The following ITGA8 variants were observed in gnomAD, a reference collection of about 807,000 sequenced individuals.
ITGA8 encodes the protein integrin alpha-8.
In ITGA8, 91 loss-of-function variants were observed where a neutral mutation model predicts 142.3. The ratio of observed to expected loss-of-function variants is 0.64; its 90% confidence interval spans 0.54 to 0.76. The LOEUF is 0.76. Among genes scored for constraint, ITGA8 ranks in the 30% least tolerant of loss-of-function variants. ITGA8 has a pLI of 0.00. For missense variants in ITGA8, 1,406 were observed against 1,327.7 expected (o/e 1.06, Z -0.92); for synonymous variants, 505 against 485.2 (o/e 1.04, Z -0.54).
chr10:15,542,056 A>T (rs1833579178), intron 27 of ITGA8, among the ~76,000 whole-genome samples: 1 of 152,228 alleles, frequency 6.6e-6, no homozygotes, highest in South Asian at 2.1e-4. Context: ...CCTGATAGAG[A>T]TTTTGCCTTT....
intron 2 of ITGA8, among the ~76,000 whole-genome samples, chr10:15,689,181 C>A (rs570414890): frequency 6.6e-5 from 10 of 152,244 alleles, no homozygotes; most frequent in South Asian, 6.2e-4. Context: ...ACCCCATTTA[C>A]AATAGCATTT....
intron 13 of ITGA8, among the ~76,000 whole-genome samples, chr10:15,622,049 T>G (rs1409534609): frequency 1.3e-5 from 2 of 152,058 alleles, no homozygotes; most frequent in Non-Finnish European, 1.5e-5. Flanking sequence ...TCCCAGGTAC[T>G]TGGGAGGTGG....
rs1044551978 is a variant in ITGA8 at position 15,514,684 on chromosome 10, T to G, written c.*2474A>C. On this transcript the variant is annotated 3_prime_UTR_variant, in exon 30 of 30. Transcript: ENST00000378076. ...TCCCAAAGTGTTGGGATTACAAGTG[T>G]GAGTCACTGCACCCAGACTTTGCTT... 6.6e-6 allele frequency: 1 copy of G among 152,348 alleles called. No individual in the cohort carries two copies. The highest frequency in any genetic ancestry group is 2.4e-5 in the African/African-American group (1 of 41,460). 9.4% of individuals were successfully genotyped at this position (152,348 alleles called of 1,614,324 possible).
intron 2 of ITGA8, among the ~76,000 whole-genome samples, chr10:15,694,563 TAATATATAA>T (rs1176084202): frequency 4.6e-4 from 63 of 138,434 alleles, no homozygotes; most frequent in East Asian, 2.4e-3. Context: ...TATAGAGTTA[TAATATATAA>T]AATATATAAA....
intron 8 of ITGA8, among the ~76,000 whole-genome samples, chr10:15,662,455 C>A (rs956865104): frequency 6.7e-6 from 1 of 149,136 alleles, no homozygotes; most frequent in Non-Finnish European, 1.5e-5. Context: ...CCTTCTACCT[C>A]AGCTTCCTGA....
intron 2 of ITGA8, among the ~76,000 whole-genome samples, chr10:15,708,162 T>C (rs1835296594): frequency 6.6e-6 from 1 of 152,192 alleles, no homozygotes; most frequent in Non-Finnish European, 1.5e-5. Flanking sequence ...CCCCTGAAAT[T>C]TAATTTTACC....
At position 15,538,816 on chromosome 10, in the gene ITGA8, TGAG is replaced by T. The variant is rs534106855; in HGVS notation, c.2881-7668_2881-7666del. Among the ~76,000 whole-genome samples, 670 of 152,232 alleles carry T rather than the reference TGAG, an allele frequency of 4.4e-3. 4 individuals are homozygous for T. Among genetic ancestry groups the T allele is most frequent in the African/African-American group, 0.015 (636 of 41,562 alleles). On this transcript the variant is annotated intron_variant, in intron 27 of 29. Coordinates refer to ENST00000378076, the MANE Select transcript of ITGA8 (RefSeq NM_003638.3). The stretch of plus-strand genomic sequence containing the variant: ...AAAAGACTCAGATGACAATTTATCA[TGAG>T]GAGGCTAACACTTGGATTCTCTGAA...
At position 15,646,907 on chromosome 10, in the gene ITGA8, C is replaced by T. The variant is rs148015670; in HGVS notation, c.1146G>A (p.Thr382=). The change falls in exon 12 of 30, where the codon ACG becomes ACA. Residue 382 remains threonine, a synonymous_variant. Coordinates refer to ENST00000378076, the MANE Select transcript of ITGA8 (RefSeq NM_003638.3). ...RDPQILTGTE[T]FGRFGSAMAH... is the part of the protein sequence containing the mutation. ...CCATAGCACTACCGAATCTCCCAAA[C>T]GTCTCGGTGCCAGTGAGGATCTGGG... 1.6e-4 allele frequency: 253 copies of T among 1,613,966 alleles called. No homozygotes were observed. Among genetic ancestry groups the T allele is most frequent in the Admixed American group, 2.8e-4 (17 of 59,980 alleles).
Position 15,525,616 on chromosome 10 carries a change from G to T in ITGA8, c.2982+5434C>A, listed in dbSNP as rs933685597. ...GACATCATAGAGCCACTGCACTCCA[G>T]CCTGGGTGACAGGAGCGAAACTCCA... On this transcript the variant is annotated intron_variant, in intron 28 of 29. Coordinates refer to ENST00000378076, the MANE Select transcript of ITGA8 (RefSeq NM_003638.3). 2.0e-4 allele frequency among the ~76,000 whole-genome samples: 24 copies of T among 120,634 alleles called. No homozygotes were observed. The Admixed American group carries it at 2.1e-3, about 11-fold the overall frequency. 79.1% of individuals were successfully genotyped at this position (120,634 alleles called of 152,430 possible). A position where few individuals can be genotyped will look rare whatever the true frequency, so the allele number is the denominator to read the frequency against.
chr10:15,579,034 G>T (rs1349885052), intron 23 of ITGA8, among the ~76,000 whole-genome samples: 4 of 151,990 alleles, frequency 2.6e-5, no homozygotes, highest in African/African-American at 9.7e-5. Context: ...TTAAAATAAT[G>T]CATGATAAAT....
intron 24 of ITGA8, among the ~76,000 whole-genome samples, chr10:15,572,699 G>A (rs988235562): frequency 1.3e-5 from 2 of 152,124 alleles, no homozygotes; most frequent in South Asian, 2.1e-4. Flanking sequence ...TTTTAATTTT[G>A]ATTTTATGCC....
At chr10:15,688,448 G>A (rs1279125039) in intron 2 of ITGA8, among the ~76,000 whole-genome samples, 2 of 152,118 alleles carry the variant, frequency 1.3e-5, no homozygotes, top group Admixed American at 1.3e-4. Context: ...TCCAGCCTGG[G>A]CGACAAAGTA....
chr10:15,565,683 G>A (rs576916921), intron 25 of ITGA8, among the ~76,000 whole-genome samples: 9 of 140,528 alleles, frequency 6.4e-5, no homozygotes, highest in South Asian at 4.6e-4. Context: ...TCTGTCTCCC[G>A]GGTTCAAGCG....
chr10:15,683,125 A>G (rs1188949095), intron 4 of ITGA8, among the ~76,000 whole-genome samples: 1 of 152,176 alleles, frequency 6.6e-6, no homozygotes, highest in African/African-American at 2.4e-5. Flanking sequence ...TCTTCTTTCT[A>G]CTACATTTTC....
At chr10:15,540,171 T>A (rs1057363544) in intron 27 of ITGA8, among the ~76,000 whole-genome samples, 1 of 152,200 alleles carries the variant, frequency 6.6e-6, no homozygotes, top group Non-Finnish European at 1.5e-5. Context: ...TTCTAGCTAC[T>A]TTGAAATAGA....
chr10:15,644,710 A>C (rs1368133426), intron 12 of ITGA8, among the ~76,000 whole-genome samples: 1 of 151,330 alleles, frequency 6.6e-6, no homozygotes, highest in Non-Finnish European at 1.5e-5. Context: ...GAAACTCTAA[A>C]GGGCTTATAA....
intron 6 of ITGA8, among the ~76,000 whole-genome samples, chr10:15,676,054 C>T (rs1237652893): frequency 6.6e-6 from 1 of 151,924 alleles, no homozygotes; most frequent in Admixed American, 6.6e-5. Flanking sequence ...TCACATCATC[C>T]ATTCTTTTGT....
At position 15,644,468 on chromosome 10, in the gene ITGA8, A is replaced by G. The variant is rs1389693240; in HGVS notation, c.1208-247T>C. 3.5e-3 allele frequency among the ~76,000 whole-genome samples: 84 copies of G among 24,228 alleles called. 3 individuals carry two copies. The highest frequency in any genetic ancestry group is 7.3e-3 in the African/African-American group (80 of 10,912). 15.9% of individuals were successfully genotyped at this position (24,228 alleles called of 152,430 possible). A position where few individuals can be genotyped will look rare whatever the true frequency, so the allele number is the denominator to read the frequency against. ...TATATATATATATATATATATATAT[A>G]TATATATATATATATATATATATAG... On this transcript the variant is annotated intron_variant, in intron 12 of 29. Coordinates refer to ENST00000378076, the MANE Select transcript of ITGA8 (RefSeq NM_003638.3).
chr10:15,532,614 A>G (rs1476459745), intron 27 of ITGA8, among the ~76,000 whole-genome samples: 1 of 151,806 alleles, frequency 6.6e-6, no homozygotes, highest in Non-Finnish European at 1.5e-5. Context: ...AATATTTAAG[A>G]GTGACTCAGG....
Sources: allele counts gnomAD v4.1 joint callset (sites outside exome capture counted in the v4.1 genomes callset), GRCh38; gene constraint gnomAD v4.1.1; transcripts MANE v1.5; gene names NCBI Gene and HGNC (gene_info 2026-07-23, HGNC 2026-07-21).